Variants in IP6K1 observed in about 807,000 individuals in gnomAD.
IP6K1 encodes the protein ATP:1D-myo-inositol-hexakisphosphate phosphotransferase.
IP6K1 carries 13 observed loss-of-function variants against 38.3 expected under a neutral mutation model. The observed-to-expected ratio is 0.34, with a 90% CI of 0.22 to 0.54. The LOEUF is 0.54. Ranked by LOEUF, IP6K1 falls within the 20% of genes least tolerant of loss-of-function variation. The pLI is 0.92. For synonymous variants in IP6K1, 212 were observed against 229.9 expected (o/e 0.92, Z 0.70); for missense variants, 397 against 599.8 (o/e 0.66, Z 3.53).
At chr3:49,776,964 G>A (rs2081022112) in intron 1 of IP6K1, among the ~76,000 whole-genome samples, 1 of 152,224 alleles carries the variant, frequency 6.6e-6, no homozygotes, top group African/African-American at 2.4e-5. Flanking sequence ...GCCGGGCACA[G>A]TGGCGCATGC....
intron 1 of IP6K1, among the ~76,000 whole-genome samples, chr3:49,766,982 A>G (rs2080917862): frequency 6.6e-6 from 1 of 151,012 alleles, no homozygotes; most frequent in Non-Finnish European, 1.5e-5. Context: ...AAAAAAAAAA[A>G]AAAAAGAAAG....
At chr3:49,781,143 C>A (rs1222444313) in intron 1 of IP6K1, among the ~76,000 whole-genome samples, 1 of 151,414 alleles carries the variant, frequency 6.6e-6, no homozygotes, top group Admixed American at 6.6e-5. Flanking sequence ...CTCACTGCAA[C>A]CTCTGCCTTC....
At chr3:49,737,073 T>C (rs1228047235) in intron 3 of IP6K1, among the ~76,000 whole-genome samples, 2 of 78,308 alleles carry the variant, frequency 2.6e-5, no homozygotes, top group African/African-American at 8.4e-5. Flanking sequence ...AGCCTGGCCT[T>C]TTTTTTTTTT....
intron 1 of IP6K1, among the ~76,000 whole-genome samples, chr3:49,782,553 G>A (rs1402789047): frequency 6.6e-6 from 1 of 152,110 alleles, no homozygotes; most frequent in East Asian, 1.9e-4. Context: ...GCTCATGCCT[G>A]CACTTTAGGA....
chr3:49,777,641 G>A (rs542003011), intron 1 of IP6K1, among the ~76,000 whole-genome samples: 72 of 152,132 alleles, frequency 4.7e-4, no homozygotes, highest in African/African-American at 1.7e-3. Context: ...AGGGCCAGGC[G>A]TGGTGGCTCA....
Position 49,748,128 on chromosome 3 carries a change from G to T in IP6K1, c.-88C>A. 7.5e-7 allele frequency: 1 copy of T among 1,326,578 alleles called. No individual in the cohort carries two copies. 82.2% of individuals were successfully genotyped at this position (1,326,578 alleles called of 1,614,324 possible). A position where few individuals can be genotyped will look rare whatever the true frequency, so the allele number is the denominator to read the frequency against. ...GCTACATAGAAGGTCCTGGCCAGGT[G>T]AAAGCCAATGGTCAGATTCTATTCA... On this transcript the variant is annotated 5_prime_UTR_variant, in exon 2 of 6. Coordinates refer to ENST00000321599, the MANE Select transcript of IP6K1 (RefSeq NM_153273.4).
intron 1 of IP6K1, among the ~76,000 whole-genome samples, chr3:49,751,957 T>C (rs578052421): frequency 6.6e-6 from 1 of 152,324 alleles, no homozygotes; most frequent in South Asian, 2.1e-4. Flanking sequence ...AAAGGAATTA[T>C]GTCTCCATTC....
intron 2 of IP6K1, among the ~76,000 whole-genome samples, chr3:49,740,573 T>C (rs926034891): frequency 6.6e-6 from 1 of 152,354 alleles, no homozygotes; most frequent in African/African-American, 2.4e-5. Context: ...TTGCCTATTA[T>C]GCATATTTCA....
intron 1 of IP6K1, among the ~76,000 whole-genome samples, chr3:49,749,509 G>C (rs1165442455): frequency 1.3e-5 from 2 of 152,202 alleles, no homozygotes; most frequent in Admixed American, 6.5e-5. Context: ...TAGTAGAGCA[G>C]GAATATGGTC....
At chr3:49,751,738 A>T (rs2080778940) in intron 1 of IP6K1, among the ~76,000 whole-genome samples, 1 of 152,210 alleles carries the variant, frequency 6.6e-6, no homozygotes, top group Non-Finnish European at 1.5e-5. Flanking sequence ...TTTGCTTTGT[A>T]ATACTTTAGT....
At chr3:49,737,228 G>A (rs1299301421) in intron 3 of IP6K1, among the ~76,000 whole-genome samples, 3 of 152,192 alleles carry the variant, frequency 2.0e-5, no homozygotes, top group East Asian at 3.9e-4. Context: ...ACTTTTTGAA[G>A]AACTGCTAAA....
At chr3:49,778,664 C>T (rs1272716468) in intron 1 of IP6K1, among the ~76,000 whole-genome samples, 1 of 152,132 alleles carries the variant, frequency 6.6e-6, no homozygotes, top group Non-Finnish European at 1.5e-5. Context: ...CCCACTCTGT[C>T]ACCCAGGCTG....
chr3:49,759,662 G>A (rs548604477), intron 1 of IP6K1, among the ~76,000 whole-genome samples: 14 of 150,710 alleles, frequency 9.3e-5, no homozygotes, highest in African/African-American at 2.7e-4. Context: ...TTTTATTAGA[G>A]TCTTAGACTA....
intron 1 of IP6K1, among the ~76,000 whole-genome samples, chr3:49,752,356 C>T (rs1177951621): frequency 3.3e-5 from 5 of 151,476 alleles, no homozygotes; most frequent in East Asian, 2.0e-4. Flanking sequence ...GGTGTGGTGG[C>T]GGGCGCCTGT....
At chr3:49,742,306 T>C (rs966636517) in intron 2 of IP6K1, among the ~76,000 whole-genome samples, 2 of 152,266 alleles carry the variant, frequency 1.3e-5, no homozygotes, top group Admixed American at 1.3e-4. Context: ...TCCCAGCACT[T>C]TGGGAGGCTG....
Position 49,776,960 on chromosome 3 carries a change from C to T in IP6K1, c.-129+9394G>A, listed in dbSNP as rs549175607. Among the ~76,000 whole-genome samples the T allele has an allele frequency of 1.1e-4, 17 of 152,216 alleles. No homozygotes were observed. The South Asian group carries it at 3.5e-3, about 32-fold the overall frequency. ...ACTGACATCTTTTCACTGGGCCGGG[C>T]ACAGTGGCGCATGCCTGTAATCCCA... On this transcript the variant is annotated intron_variant, in intron 1 of 5. Transcript: ENST00000321599.
intron 4 of IP6K1, among the ~76,000 whole-genome samples, chr3:49,729,015 G>A (rs1478508899): frequency 1.3e-5 from 2 of 149,504 alleles, no homozygotes; most frequent in South Asian, 2.1e-4. Flanking sequence ...ATGCAATGGC[G>A]CCATCTCGGC....
chr3:49,763,001 A>ACCTCAAGTGATCCACCTG (rs569705264), intron 1 of IP6K1, among the ~76,000 whole-genome samples: 1 of 151,650 alleles, frequency 6.6e-6, no homozygotes, highest in Non-Finnish European at 1.5e-5. Flanking sequence ...CAAACTCCTG[A>ACCTCAAGTGATCCACCTG]CCTCAAGTGA....
intron 1 of IP6K1, among the ~76,000 whole-genome samples, chr3:49,774,424 A>AG (rs1286888911): frequency 6.6e-6 from 1 of 150,662 alleles, no homozygotes; most frequent in African/African-American, 2.5e-5. Context: ...AAAAAAAAAA[A>AG]AAAAAGAAAA....
Sources: allele counts gnomAD v4.1 joint callset (sites outside exome capture counted in the v4.1 genomes callset), GRCh38; gene constraint gnomAD v4.1.1; transcripts MANE v1.5; gene names NCBI Gene and HGNC (gene_info 2026-07-23, HGNC 2026-07-21).